Variants in MAP3K15 observed in about 807,000 individuals in gnomAD.
MAP3K15 encodes MAPK/ERK kinase kinase 15.
A neutral mutation model predicts 99.5 loss-of-function variants in MAP3K15; 124 were observed. The ratio of observed to expected loss-of-function variants is 1.25; its 90% CI spans 1.08 to 1.45. MAP3K15 has a LOEUF of 1.45. MAP3K15 is among the 40% of genes most tolerant of loss of function. The probability of loss-of-function intolerance (pLI) is 0.00; values close to 1 mark genes in which losing one functional copy is unlikely to be tolerated. For synonymous variants in MAP3K15, 494 were observed against 439.6 expected (o/e 1.12, Z -1.55); for missense variants, 1,242 against 1,079.7 (o/e 1.15, Z -2.11).
At chrX:19,435,984 T>C (rs1383629735) in intron 6 of MAP3K15, among the ~76,000 whole-genome samples, 2 of 110,921 alleles carry the variant, frequency 1.8e-5, no homozygotes, top group African/African-American at 6.6e-5. Context: ...TGAAACCCTG[T>C]CTCCACTAAA....
chrX:19,375,970 T>C (rs2063414210), intron 19 of MAP3K15, among the ~76,000 whole-genome samples: 1 of 112,176 alleles, frequency 8.9e-6, no homozygotes, highest in Admixed American at 9.5e-5. Context: ...GTAGGGAGGT[T>C]AAGCTGGCAC....
intron 11 of MAP3K15, among the ~76,000 whole-genome samples, chrX:19,412,816 C>T (rs1602284201): frequency 9.0e-6 from 1 of 110,826 alleles, no homozygotes; most frequent in East Asian, 2.8e-4. Flanking sequence ...CTCACTGTGG[C>T]CTCGACCTCC....
At chrX:19,456,284 G>A (rs1327556800) in intron 6 of MAP3K15, among the ~76,000 whole-genome samples, 1 of 111,960 alleles carries the variant, frequency 8.9e-6, no homozygotes, top group African/African-American at 3.2e-5. Context: ...CCTATACCAA[G>A]GACTACGCGA....
intron 3 of MAP3K15, among the ~76,000 whole-genome samples, 196 bp from the exon 4 acceptor site, chrX:19,464,602 C>T (rs1286724012): frequency 9.0e-6 from 1 of 111,231 alleles, no homozygotes; most frequent in Non-Finnish European, 1.9e-5. Context: ...AGATATATGA[C>T]AAAAATTTGG....
At chrX:19,389,934 T>C (rs2063515680) in intron 18 of MAP3K15, among the ~76,000 whole-genome samples, 1 of 112,352 alleles carries the variant, frequency 8.9e-6, no homozygotes, top group Admixed American at 9.5e-5. Flanking sequence ...TGTATACGTA[T>C]ATTTATACCA....
chrX:19,363,494 G>T (rs781095663), intron 25 of MAP3K15, among the ~76,000 whole-genome samples: 1 of 112,037 alleles, frequency 8.9e-6, no homozygotes, highest in Admixed American at 9.5e-5. Flanking sequence ...AAAAGATGCC[G>T]ATGTTAATCA....
chrX:19,425,793 T>C (rs754636248), intron 8 of MAP3K15, 103 bp from the exon 9 acceptor site: 11 of 770,863 alleles, frequency 1.4e-5, no homozygotes, highest in African/African-American at 2.1e-5. Context: ...AGGTGTGCTA[T>C]AGGAAAAGTA....
At chrX:19,390,035 A>T (rs1326505200) in intron 18 of MAP3K15, among the ~76,000 whole-genome samples, 1 of 111,145 alleles carries the variant, frequency 9.0e-6, no homozygotes, top group Non-Finnish European at 1.9e-5. Flanking sequence ...AGGCACATGT[A>T]CCTCCCCTTG....
intron 1 of MAP3K15, among the ~76,000 whole-genome samples, chrX:19,507,193 A>T (rs182996619): frequency 8.9e-6 from 1 of 112,000 alleles, no homozygotes; most frequent in African/African-American, 3.2e-5. Flanking sequence ...AGACAAAAGC[A>T]TTGTATTCTA....
chrX:19,473,507 T>C (rs187749757), intron 3 of MAP3K15, among the ~76,000 whole-genome samples: 207 of 112,557 alleles, frequency 1.8e-3, no homozygotes, highest in African/African-American at 6.4e-3. Flanking sequence ...TCCAGCTCAT[T>C]AAAACAAATT....
In MAP3K15 at chrX:19,515,028, GC is replaced by G. The variant is rs759538376; in HGVS notation, c.233del (p.Gly78AlafsTer48). The G allele has an allele frequency of 1.4e-5, 15 of 1,054,530 alleles. 1 individual carries two copies. Among genetic ancestry groups the G allele is most frequent in the African/African-American group, 2.0e-5 (1 of 49,191 alleles). The allele number at this position is 1,054,530 out of a possible 1,213,427, so 86.9% of individuals were successfully genotyped here. The part of the protein sequence containing the change: ...SESSQGGAAG[G>X]PEAGARQCLL... ...GGCACTGCCGCGCCCCAGCCTCCGG[GC>G]CGCCGGCCGCGCCGCCCTGGGAGCT... On this transcript the variant is annotated frameshift_variant, in exon 1 of 29. Coordinates refer to ENST00000338883, the MANE Select transcript of MAP3K15 (RefSeq NM_001001671.4). LOFTEE classifies it high-confidence loss of function.
At chrX:19,458,882 G>A (rs954394457) in intron 5 of MAP3K15, among the ~76,000 whole-genome samples, 2 of 111,129 alleles carry the variant, frequency 1.8e-5, no homozygotes, top group Non-Finnish European at 3.8e-5. Flanking sequence ...AGTAAGGTAC[G>A]TGATCCTGTG....
intron 1 of MAP3K15, among the ~76,000 whole-genome samples, chrX:19,505,274 T>C (rs1352073099): frequency 4.5e-5 from 5 of 109,908 alleles, no homozygotes; most frequent in Non-Finnish European, 9.5e-5. Context: ...ATTCGTGACA[T>C]GAGATGACCC....
At position 19,369,073 on chromosome X, in the gene MAP3K15, G is replaced by A. The variant is rs780414578; in HGVS notation, c.3547C>T (p.Leu1183Phe). 7 of 1,205,453 alleles carry A rather than the reference G, an allele frequency of 5.8e-6. No homozygotes were observed. Among genetic ancestry groups the A allele is most frequent in the Admixed American group, 2.2e-5 (1 of 45,457 alleles). ...CCTCACCTGTTGGTCTCCTGTCTGA[G>A]CTCACCCAGCTGGAGGCTCAGGTGC... is the stretch of plus-strand genomic sequence containing the variant. ...QQHLSLQLGE[L>F]RQETNRLLEH... The change falls in exon 25 of 29, where the codon CTC (leucine) becomes TTC (phenylalanine). Residue 1183 changes from leucine to phenylalanine, a missense_variant. Coordinates refer to ENST00000338883, the MANE Select transcript of MAP3K15 (RefSeq NM_001001671.4).
In MAP3K15 at chrX:19,415,191, G is replaced by A; in HGVS notation, c.1506C>T (p.His502=). The part of the protein sequence containing the change: ...IRRFKKTIIE[H]SPRQERLNFW... The stretch of plus-strand genomic sequence containing the variant: ...AGTTCAGCCGCTCTTGCCTGGGCGA[G>A]TGTTCAATAATGGTTTTCTTGAAGC... Residue 502 remains histidine, a synonymous_variant, in exon 10 of 29, where the codon CAC becomes CAT. Coordinates refer to ENST00000338883, the MANE Select transcript of MAP3K15 (RefSeq NM_001001671.4). 1.7e-6 allele frequency: 2 copies of A among 1,179,930 alleles called. No individual in the cohort carries two copies. Among genetic ancestry groups the A allele is most frequent in the Non-Finnish European group, 2.3e-6 (2 of 884,281 alleles).
rs1569221511 is a variant in MAP3K15, at chrX:19,426,826, A to AAAAAAAC, written c.1167-484_1167-483insGTTTTTT. Among the ~76,000 whole-genome samples, 216 of 95,730 alleles carry AAAAAAAC rather than the reference A, an allele frequency of 2.3e-3. 4 individuals are homozygous for AAAAAAAC. Among genetic ancestry groups the AAAAAAAC allele is most frequent in the African/African-American group, 0.011 (207 of 19,453 alleles). The allele number at this position is 95,730 out of a possible 115,157, so 83.1% of individuals were successfully genotyped here. ...GAGCGAGAATCTGTCTCCAAAAAAA[A>AAAAAAAC]AAAAAAAAAAAAAAAAAGTCATAAT... On this transcript the variant is annotated intron_variant, in intron 7 of 28. Coordinates refer to ENST00000338883, the MANE Select transcript of MAP3K15 (RefSeq NM_001001671.4).
At chrX:19,372,625 G>T (rs753890085) in intron 22 of MAP3K15, 28 bp downstream of exon 22, 114 of 1,180,739 alleles carry the variant, frequency 9.7e-5, no homozygotes, top group Non-Finnish European at 1.3e-4. Context: ...GGAGCGGGAA[G>T]AGTCGGTGCC....
intron 25 of MAP3K15, among the ~76,000 whole-genome samples, chrX:19,366,686 G>A (rs183420756): frequency 2.7e-5 from 3 of 112,006 alleles, no homozygotes; most frequent in East Asian, 2.8e-4. Flanking sequence ...CCCCAGCCTC[G>A]TGGAACTGTA....
At chrX:19,508,738 G>A (rs936408299) in intron 1 of MAP3K15, among the ~76,000 whole-genome samples, 3 of 109,054 alleles carry the variant, frequency 2.8e-5, no homozygotes, top group Non-Finnish European at 5.7e-5. Flanking sequence ...AACAAAATGC[G>A]CCAGGGGTGG....
Sources: allele counts gnomAD v4.1 joint callset (sites outside exome capture counted in the v4.1 genomes callset), GRCh38; gene constraint gnomAD v4.1.1; transcripts MANE v1.5; gene names NCBI Gene and HGNC (gene_info 2026-07-23, HGNC 2026-07-21).